Variants in TOMM34 observed in about 807,000 individuals in gnomAD.
TOMM34 encodes the protein mitochondrial import receptor subunit TOM34.
TOMM34 carries 24 observed loss-of-function variants against 37.4 expected under a neutral mutation model. That is an observed-to-expected ratio of 0.64 (90% CI 0.46 to 0.90). The LOEUF is 0.90. TOMM34 is among the 40% of genes least tolerant of loss of function. The pLI, the probability that TOMM34 is intolerant of heterozygous loss-of-function variation, is 0.00. For synonymous variants in TOMM34, 154 were observed against 148.9 expected, an observed-to-expected ratio of 1.03 and a Z score of -0.25; for missense variants, 304 against 375.6, an observed-to-expected ratio of 0.81 and a Z score of 1.58.
chr20:44,943,762 A>C (rs1446034662), intron 5 of TOMM34, among the ~76,000 whole-genome samples, 183 bp from the exon 6 acceptor site: 1 of 152,166 alleles, frequency 6.6e-6, no homozygotes, highest in Admixed American at 6.5e-5. Context: ...CTGGCTCAGA[A>C]GGGTAAAGGA....
chr20:44,958,700 T>C (rs1057310628), intron 1 of TOMM34: 1 of 166,728 alleles, frequency 6.0e-6, no homozygotes, highest in Non-Finnish European at 1.3e-5. Context: ...TTGCTAAATC[T>C]AGATACCAGG....
Position 44,960,387 on chromosome 20 carries a change from C to T in TOMM34, c.-54G>A, listed in dbSNP as rs2067116324. ...TCCTTCCTTCCTCCCCCGTGTGGTG[C>T]GGCACACCTTCCGGGCGCAAGCGCC... On this transcript the variant is annotated 5_prime_UTR_variant, in exon 1 of 7. Coordinates refer to ENST00000372813, the MANE Select transcript of TOMM34 (RefSeq NM_006809.5). 6.2e-6 allele frequency: 9 copies of T among 1,462,656 alleles called. No homozygotes were observed. The South Asian group carries it at 8.3e-5, about 14-fold the overall frequency. 90.6% of individuals were successfully genotyped at this position (1,462,656 alleles called of 1,614,324 possible). A position where few individuals can be genotyped will look rare whatever the true frequency, so the allele number is the denominator to read the frequency against.
chr20:44,959,508 T>C (rs919467737), intron 1 of TOMM34, among the ~76,000 whole-genome samples: 1 of 152,100 alleles, frequency 6.6e-6, no homozygotes, highest in Non-Finnish European at 1.5e-5. Flanking sequence ...TTACAACACC[T>C]CCACAATAAA....
At chr20:44,948,687 A>C (rs1191777317) in intron 5 of TOMM34, 43 bp downstream of exon 5, 2 of 1,609,942 alleles carry the variant, frequency 1.2e-6, no homozygotes, top group African/African-American at 2.7e-5. Context: ...CTATGGAACA[A>C]ATGTCCTGAA....
intron 1 of TOMM34, among the ~76,000 whole-genome samples, chr20:44,958,124 A>G (rs1005041091): frequency 1.5e-5 from 2 of 132,588 alleles, no homozygotes; most frequent in Admixed American, 8.7e-5. Context: ...GTACATGTAT[A>G]TATATGTATA....
At chr20:44,953,379 T>C (rs1245296376) in intron 3 of TOMM34, among the ~76,000 whole-genome samples, 1 of 152,186 alleles carries the variant, frequency 6.6e-6, no homozygotes, top group African/African-American at 2.4e-5. Flanking sequence ...TGTCTCCATC[T>C]TTCTTGAAAT....
At chr20:44,943,953 A>G (rs539607975) in intron 5 of TOMM34, among the ~76,000 whole-genome samples, 1 of 152,034 alleles carries the variant, frequency 6.6e-6, no homozygotes, top group South Asian at 2.1e-4. Flanking sequence ...GACAGATTAA[A>G]AAATTATCTA....
At chr20:44,958,506 C>G in intron 1 of TOMM34, 1 of 417,690 alleles carries the variant, frequency 2.4e-6, no homozygotes, top group Non-Finnish European at 5.0e-6. Context: ...CACTCCATCC[C>G]TCTGATCATG....
At chr20:44,959,462 C>G (rs1333448779) in intron 1 of TOMM34, among the ~76,000 whole-genome samples, 1 of 152,140 alleles carries the variant, frequency 6.6e-6, no homozygotes, top group Non-Finnish European at 1.5e-5. Flanking sequence ...TGCCAAGCTT[C>G]CAGTTTGGCA....
At chr20:44,944,399 C>G (rs1292964730) in intron 5 of TOMM34, among the ~76,000 whole-genome samples, 1 of 152,206 alleles carries the variant, frequency 6.6e-6, no homozygotes, top group Admixed American at 6.5e-5. Context: ...TCACTGTTTT[C>G]AGTGGGTGCA....
At chr20:44,958,347 G>A (rs1183620596) in intron 1 of TOMM34, 9 of 471,070 alleles carry the variant, frequency 1.9e-5, no homozygotes, top group South Asian at 1.2e-4. Context: ...GCCCAGAGAC[G>A]GAAAGTACAA....
At position 44,942,902 on chromosome 20, in the gene TOMM34, G is replaced by A; in HGVS notation, c.*207C>T. 1 of 604,238 alleles carries A rather than the reference G, an allele frequency of 1.7e-6. No homozygotes were observed. Among genetic ancestry groups the A allele is most frequent in the Non-Finnish European group, 3.0e-6 (1 of 337,978 alleles). 37.4% of individuals were successfully genotyped at this position (604,238 alleles called of 1,614,324 possible). The stretch of plus-strand genomic sequence containing the variant: ...CTTAGCTCTAGTGGGGACCTTTCTG[G>A]TGCAACAACCATGTCTGTGTTTGAC... On this transcript the variant is annotated 3_prime_UTR_variant, in exon 7 of 7. Transcript: ENST00000372813.
intron 3 of TOMM34, among the ~76,000 whole-genome samples, chr20:44,953,923 T>C (rs770863767): frequency 1.2e-4 from 19 of 152,240 alleles, no homozygotes; most frequent in Middle Eastern, 3.2e-3. Context: ...AAAGGCTGAC[T>C]TGCTCAGGAT....
chr20:44,952,304 A>C (rs2067033533), intron 3 of TOMM34, among the ~76,000 whole-genome samples: 1 of 152,262 alleles, frequency 6.6e-6, no homozygotes, highest in Non-Finnish European at 1.5e-5. Context: ...TTCTCCAAGA[A>C]AGAATCATAC....
intron 2 of TOMM34, chr20:44,955,478 C>T: frequency 3.3e-6 from 2 of 602,682 alleles, no homozygotes; most frequent in African/African-American, 1.8e-5. Context: ...TTTCAGTTCC[C>T]CCAAAATCAA....
chr20:44,955,992 C>G (rs2067068969), intron 2 of TOMM34, among the ~76,000 whole-genome samples: 1 of 152,166 alleles, frequency 6.6e-6, no homozygotes, highest in Non-Finnish European at 1.5e-5. Flanking sequence ...CCTTCTGAGA[C>G]AATCTATTAA....
Position 44,960,312 on chromosome 20 carries a change from A to C in TOMM34, c.22T>G (p.Ser8Ala). ...CCGGCGGCGCGGAGCTCCTCCACAGAGTCTGGGAATTTGGGGGCCATCCCG... is the reference window on the plus strand; with the variant it reads ...CCGGCGGCGCGGAGCTCCTCCACAGCGTCTGGGAATTTGGGGGCCATCCCG... MAPKFPDSVEELRAAGNE... is the reference protein window; with the variant it reads MAPKFPDAVEELRAAGNE... The change falls in exon 1 of 7, where the codon TCT (serine) becomes GCT (alanine). Residue 8 changes from serine to alanine, a missense_variant. Coordinates refer to ENST00000372813, the MANE Select transcript of TOMM34 (RefSeq NM_006809.5). 4 of 1,581,444 alleles carry C rather than the reference A, an allele frequency of 2.5e-6. No individual in the cohort carries two copies. Among genetic ancestry groups the C allele is most frequent in the Non-Finnish European group, 3.4e-6 (4 of 1,164,610 alleles).
At chr20:44,960,147 G>A (rs1363125669) in intron 1 of TOMM34, 60 bp downstream of exon 1, 2 of 1,510,006 alleles carry the variant, frequency 1.3e-6, no homozygotes, top group Non-Finnish European at 1.8e-6. Flanking sequence ...CGAGGCCCGG[G>A]CGGTGGTTGC....
At chr20:44,958,563 A>G in intron 1 of TOMM34, 1 of 318,390 alleles carries the variant, frequency 3.1e-6, no homozygotes, top group Non-Finnish European at 6.5e-6. Context: ...ACTTGCTGGA[A>G]GGGTTCATTG....
Sources: allele counts gnomAD v4.1 joint callset (sites outside exome capture counted in the v4.1 genomes callset), GRCh38; gene constraint gnomAD v4.1.1; transcripts MANE v1.5; gene names NCBI Gene and HGNC (gene_info 2026-07-23, HGNC 2026-07-21).